The following XKR4 variants were observed in gnomAD, a reference collection of about 807,000 sequenced individuals.
The protein encoded by XKR4 is XK related 4, also known as XK-related protein 4.
Under a neutral mutation model 53.9 loss-of-function variants are expected in XKR4, and 12 were observed. The ratio of observed to expected loss-of-function variants is 0.22; its 90% CI spans 0.14 to 0.36. The LOEUF (loss-of-function observed/expected upper bound fraction) is 0.36, where lower values mean the gene tolerates loss of function less well. XKR4 is among the 10% of genes least tolerant of loss of function. The pLI is 1.00. For missense variants in XKR4, 799 were observed against 859.5 expected, an observed-to-expected ratio of 0.93 and a Z score of 0.88; for synonymous variants, 354 against 362.4, an observed-to-expected ratio of 0.98 and a Z score of 0.26.
At chr8:55,311,359 C>T (rs555912743) in intron 1 of XKR4, among the ~76,000 whole-genome samples, 1 of 152,260 alleles carries the variant, frequency 6.6e-6, no homozygotes, top group South Asian at 2.1e-4. Context: ...AGAGGGCCCC[C>T]AGGAGCAAAT....
chr8:55,259,253 C>T (rs968190418), intron 1 of XKR4, among the ~76,000 whole-genome samples: 65 of 152,316 alleles, frequency 4.3e-4, no homozygotes, highest in Middle Eastern at 3.4e-3. Flanking sequence ...AGAATTTAGC[C>T]ATTGTAACCC....
intron 1 of XKR4, among the ~76,000 whole-genome samples, chr8:55,107,251 C>T (rs967222884): frequency 1.1e-4 from 16 of 151,972 alleles, no homozygotes; most frequent in African/African-American, 3.1e-4. Flanking sequence ...GTTAAGTAAG[C>T]GGCTTAACCT....
At chr8:55,176,670 T>G (rs770606005) in intron 1 of XKR4, among the ~76,000 whole-genome samples, 2 of 152,188 alleles carry the variant, frequency 1.3e-5, no homozygotes, top group Non-Finnish European at 2.9e-5. Context: ...TTATTTCTGT[T>G]GAGAATCATG....
chr8:55,393,443 GAAGGAAGGAAGGAAGA>G (rs1198880670), intron 2 of XKR4, among the ~76,000 whole-genome samples: 16 of 79,498 alleles, frequency 2.0e-4, no homozygotes, highest in African/African-American at 4.8e-4. Flanking sequence ...AGGAAGGAAG[GAAGGAAGGAAGGAAGA>G]AAGGAAGGAA....
In XKR4 at chr8:55,532,608, A is replaced by G. The variant is rs958483735; in HGVS notation, c.*8381A>G. The G allele has an allele frequency of 6.6e-6, 1 of 152,064 alleles. No homozygotes were observed. The highest frequency in any genetic ancestry group is 2.4e-5 in the African/African-American group (1 of 41,386). 9.4% of individuals were successfully genotyped at this position (152,064 alleles called of 1,614,324 possible). A position where few individuals can be genotyped will look rare whatever the true frequency, so the allele number is the denominator to read the frequency against. On this transcript the variant is annotated 3_prime_UTR_variant, in exon 3 of 3. Coordinates refer to ENST00000327381, the MANE Select transcript of XKR4 (RefSeq NM_052898.2). The stretch of plus-strand genomic sequence containing the variant: ...CAGGAGATCGAGACCATCCTGGCTA[A>G]CACAGTGAAACCCCCATCTCTACTA...
In XKR4 at chr8:55,103,142, C is replaced by A. The variant is rs1816080658; in HGVS notation, c.654C>A (p.Asn218Lys). The A allele has an allele frequency of 6.2e-7, 1 of 1,613,936 alleles. No homozygotes were observed. ...CCACGCCGCAAAGGCAAGCATCTAACGCCAGCAAGAGCAACATCGCCGCGG... is the reference window on the plus strand; with the variant it reads ...CCACGCCGCAAAGGCAAGCATCTAAAGCCAGCAAGAGCAACATCGCCGCGG... Reference protein sequence around the residue: ...RPSTPQRQASNASKSNIAAAN... With the variant: ...RPSTPQRQASKASKSNIAAAN... Residue 218 changes from asparagine (N) to lysine (K), a missense_variant, in exon 1 of 3, where the codon AAC (asparagine) becomes AAA (lysine). Transcript: ENST00000327381.
chr8:55,348,318 T>G (rs1038638438), intron 1 of XKR4, among the ~76,000 whole-genome samples: 2 of 152,178 alleles, frequency 1.3e-5, no homozygotes, highest in Non-Finnish European at 2.9e-5. Flanking sequence ...GAGGCATGTG[T>G]GTGCCAGGCA....
At chr8:55,462,511 T>C (rs1389576234) in intron 2 of XKR4, among the ~76,000 whole-genome samples, 4 of 152,200 alleles carry the variant, frequency 2.6e-5, no homozygotes, top group Non-Finnish European at 5.9e-5. Context: ...TACCAGCCAC[T>C]GCAAAAATAT....
chr8:55,109,031 C>A (rs1033885861), intron 1 of XKR4, among the ~76,000 whole-genome samples: 3 of 152,032 alleles, frequency 2.0e-5, no homozygotes, highest in Admixed American at 1.3e-4. Flanking sequence ...ACTGTTGTAA[C>A]CTGGAAGAGG....
intron 2 of XKR4, among the ~76,000 whole-genome samples, chr8:55,373,618 T>A (rs533342502): frequency 1.9e-4 from 29 of 152,348 alleles, no homozygotes; most frequent in African/African-American, 7.0e-4. Context: ...ATATTTGTTA[T>A]CTAAAACATT....
intron 1 of XKR4, among the ~76,000 whole-genome samples, chr8:55,247,861 T>TCTTTCTTTCTTTCTTTCTTTC (rs1554572242): frequency 9.3e-6 from 1 of 107,958 alleles, no homozygotes. Context: ...CTTTCTTTTT[T>TCTTTCTTTCTTTCTTTCTTTC]TTTTTTTTTT....
At chr8:55,478,205 G>A (rs1421994317) in intron 2 of XKR4, among the ~76,000 whole-genome samples, 2 of 152,122 alleles carry the variant, frequency 1.3e-5, no homozygotes, top group Admixed American at 6.5e-5. Context: ...GGATCTCTTG[G>A]CAGAAACTCT....
rs753395129 is a variant in XKR4 at position 55,523,276 on chromosome 8, T to G, written c.1007-5T>G. Reference sequence around the variant, plus strand: ...GACACACTGTCTTCCTGTTTGCCTTTGTAGGTTTCACAGCGGCAGCTTCCC... The same window carrying G: ...GACACACTGTCTTCCTGTTTGCCTTGGTAGGTTTCACAGCGGCAGCTTCCC... On this transcript the variant is annotated splice_region_variant and splice_polypyrimidine_tract_variant and intron_variant, in intron 2 of 2. Transcript: ENST00000327381. 6.3e-7 allele frequency: 1 copy of G among 1,589,790 alleles called. No homozygotes were observed. The highest frequency in any genetic ancestry group is 1.7e-5 in the Admixed American group (1 of 57,432).
rs1333813825 is a variant in XKR4 at position 55,357,893 on chromosome 8, T to C, written c.1006+16T>C. ...GCCCTCCAAGGTAAGGGCTTGCAAT[T>C]TGGTTTCTGAATTTGGGGAAAGATT... On this transcript the variant is annotated intron_variant, in intron 2 of 2. Transcript: ENST00000327381. The C allele has an allele frequency of 6.2e-7, 1 of 1,601,842 alleles. No homozygotes were observed. The highest frequency in any genetic ancestry group is 8.5e-7 in the Non-Finnish European group (1 of 1,171,044).
rs1816051589 is a variant in XKR4, at chr8:55,102,247, C to G, written c.-242C>G. Reference sequence around the variant, plus strand: ...GCGCGGGGCGCCGCGAGCAGCTTGGCTCCGCGCAGGCAGCCAGGCGGCGCT... The same window carrying G: ...GCGCGGGGCGCCGCGAGCAGCTTGGGTCCGCGCAGGCAGCCAGGCGGCGCT... On this transcript the variant is annotated 5_prime_UTR_variant, in exon 1 of 3. Coordinates refer to ENST00000327381, the MANE Select transcript of XKR4 (RefSeq NM_052898.2). The surrounding 1 kb of genome is among the most constrained non-coding windows in gnomAD (Gnocchi z 5.1). 3 of 293,768 alleles carry G rather than the reference C, an allele frequency of 1.0e-5. No homozygotes were observed. In the South Asian group the frequency reaches 3.6e-4, roughly 35 times the overall value. 18.2% of individuals were successfully genotyped at this position (293,768 alleles called of 1,614,324 possible).
chr8:55,514,583 G>A (rs144862394), intron 2 of XKR4, among the ~76,000 whole-genome samples: 99 of 152,214 alleles, frequency 6.5e-4, no homozygotes, highest in African/African-American at 2.1e-3. Context: ...TTCATGGACA[G>A]GTAAGAAAGG....
intron 2 of XKR4, among the ~76,000 whole-genome samples, chr8:55,414,356 A>T (rs898528191): frequency 1.3e-5 from 2 of 152,124 alleles, no homozygotes; most frequent in Non-Finnish European, 2.9e-5. Flanking sequence ...TCAAAAAGTA[A>T]TAGCATTGAG....
At chr8:55,177,830 AT>A (rs1027627078) in intron 1 of XKR4, among the ~76,000 whole-genome samples, 7 of 151,160 alleles carry the variant, frequency 4.6e-5, no homozygotes, top group Admixed American at 1.3e-4. Context: ...CCTGAAAGCT[AT>A]TTTTTTTTAA....
chr8:55,368,375 C>T (rs1804024204), intron 2 of XKR4, among the ~76,000 whole-genome samples: 1 of 152,204 alleles, frequency 6.6e-6, no homozygotes, highest in Admixed American at 6.5e-5. Context: ...GTGGAGCCTC[C>T]AAGTCTCCCC....
Sources: allele counts gnomAD v4.1 joint callset (sites outside exome capture counted in the v4.1 genomes callset), GRCh38; gene constraint gnomAD v4.1.1; non-coding constraint Gnocchi (gnomAD v3.1); transcripts MANE v1.5; gene names NCBI Gene and HGNC (gene_info 2026-07-23, HGNC 2026-07-21).